Variants in EYS observed in about 807,000 individuals in gnomAD.
The protein encoded by EYS is protein eyes shut homolog.
Under a neutral mutation model 282.1 loss-of-function variants are expected in EYS, and 250 were observed. That is an observed-to-expected ratio of 0.89 (90% CI 0.80 to 0.98). The LOEUF (loss-of-function observed/expected upper bound fraction) is 0.98. Among genes scored for constraint, EYS ranks in the 50% least tolerant of loss-of-function variants. EYS has a pLI of 0.00. For missense variants in EYS, 4,016 were observed against 3,709.0 expected, an observed-to-expected ratio of 1.08 and a Z score of -2.15; for synonymous variants, 1,355 against 1,282.9, an observed-to-expected ratio of 1.06 and a Z score of -1.20.
intron 11 of EYS, among the ~76,000 whole-genome samples, chr6:65,321,642 C>T (rs1400546273): frequency 6.6e-6 from 1 of 152,196 alleles, no homozygotes; most frequent in Non-Finnish European, 1.5e-5. Context: ...GCAATACAGT[C>T]ATGAAGGCTA....
intron 13 of EYS, among the ~76,000 whole-genome samples, chr6:65,029,126 T>C (rs527694881): frequency 1.3e-5 from 2 of 152,246 alleles, no homozygotes; most frequent in Admixed American, 1.3e-4. Context: ...AGTACTTCTT[T>C]ATAATGCAAA....
At chr6:65,093,490 T>C (rs769613469) in intron 12 of EYS, among the ~76,000 whole-genome samples, 3 of 151,836 alleles carry the variant, frequency 2.0e-5, no homozygotes, top group Non-Finnish European at 2.9e-5. Flanking sequence ...AGGTAAACTG[T>C]GAAATCAATA....
At chr6:64,420,664 C>A (rs1461913138) in intron 28 of EYS, among the ~76,000 whole-genome samples, 2 of 152,128 alleles carry the variant, frequency 1.3e-5, no homozygotes, top group Admixed American at 1.3e-4. Context: ...CTCTTGAATG[C>A]CTTGCCACTT....
Position 64,145,584 on chromosome 6 carries a change from G to A in EYS, c.6425-63582C>T, listed in dbSNP as rs1425343869. ...TGAATAAAGCTTTACTTATCCTCTT[G>A]TTGCATTTCCAATTCACTCTCTAGA... On this transcript the variant is annotated intron_variant, in intron 31 of 42. Coordinates refer to ENST00000503581, the MANE Select transcript of EYS (RefSeq NM_001142800.2). 4.6e-5 allele frequency among the ~76,000 whole-genome samples: 7 copies of A among 152,058 alleles called. 1 individual carries two copies. Among genetic ancestry groups the A allele is most frequent in the Admixed American group, 4.6e-4 (7 of 15,244 alleles).
intron 12 of EYS, among the ~76,000 whole-genome samples, chr6:65,215,201 A>G (rs1766281722): frequency 6.6e-6 from 1 of 152,192 alleles, no homozygotes; most frequent in Non-Finnish European, 1.5e-5. Context: ...ATCTTGGCAT[A>G]TTGAAACATT....
At chr6:65,444,399 C>A (rs1768570743) in intron 5 of EYS, among the ~76,000 whole-genome samples, 1 of 151,894 alleles carries the variant, frequency 6.6e-6, no homozygotes, top group South Asian at 2.1e-4. Flanking sequence ...TCCCCTCCTT[C>A]ACAAGAAAGT....
At chr6:65,267,536 G>A (rs562393417) in intron 12 of EYS, among the ~76,000 whole-genome samples, 15 of 151,948 alleles carry the variant, frequency 9.9e-5, no homozygotes, top group South Asian at 8.3e-4. Context: ...ATAATTTATC[G>A]GATGAAGCAC....
intron 2 of EYS, among the ~76,000 whole-genome samples, chr6:65,581,206 C>A (rs1290853072): frequency 6.6e-6 from 1 of 151,898 alleles, no homozygotes; most frequent in Non-Finnish European, 1.5e-5. Flanking sequence ...TCTTCACCCA[C>A]CCCATCCTTT....
At chr6:64,504,796 T>A (rs1777162357) in intron 26 of EYS, among the ~76,000 whole-genome samples, 1 of 152,224 alleles carries the variant, frequency 6.6e-6, no homozygotes, top group South Asian at 2.1e-4. Flanking sequence ...AGAGAGAAGT[T>A]CCATGTGGCT....
chr6:63,743,591 CAATT>C (rs1769137508), intron 41 of EYS, among the ~76,000 whole-genome samples: 1 of 152,120 alleles, frequency 6.6e-6, no homozygotes, highest in Non-Finnish European at 1.5e-5. Flanking sequence ...AAGGACAGGG[CAATT>C]TTTGTGAGCT....
At chr6:65,291,471 A>C (rs1484871858) in intron 12 of EYS, among the ~76,000 whole-genome samples, 4 of 151,514 alleles carry the variant, frequency 2.6e-5, no homozygotes, top group Non-Finnish European at 4.4e-5. Flanking sequence ...CGAAGCCATA[A>C]AAAGTGAGGT....
intron 26 of EYS, among the ~76,000 whole-genome samples, chr6:64,547,777 C>T (rs759768355): frequency 3.3e-5 from 5 of 152,138 alleles, no homozygotes; most frequent in Admixed American, 1.3e-4. Context: ...GAGCAGGGGG[C>T]GGCGTTGGTC....
intron 22 of EYS, among the ~76,000 whole-genome samples, chr6:64,644,874 T>C (rs1332208392): frequency 6.6e-6 from 1 of 152,104 alleles, no homozygotes; most frequent in Non-Finnish European, 1.5e-5. Flanking sequence ...AGATGTACAT[T>C]TACTGGATGG....
intron 28 of EYS, among the ~76,000 whole-genome samples, chr6:64,390,459 C>A (rs956008051): frequency 6.6e-6 from 1 of 151,774 alleles, no homozygotes; most frequent in African/African-American, 2.4e-5. Flanking sequence ...CAAGTGGGTC[C>A]CTCACCCCTG....
At chr6:65,359,928 C>T (rs2150332716) in intron 8 of EYS, among the ~76,000 whole-genome samples, 1 of 151,948 alleles carries the variant, frequency 6.6e-6, no homozygotes, top group East Asian at 1.9e-4. Flanking sequence ...TTTTTTTCAA[C>T]TCACACACCT....
intron 35 of EYS, among the ~76,000 whole-genome samples, chr6:63,952,925 G>T (rs1215964273): frequency 6.6e-6 from 1 of 152,110 alleles, no homozygotes; most frequent in Non-Finnish European, 1.5e-5. Context: ...ACCTGTTACA[G>T]CATGGCCTTT....
intron 12 of EYS, among the ~76,000 whole-genome samples, chr6:65,281,653 C>A (rs1029469923): frequency 9.9e-5 from 15 of 152,108 alleles, no homozygotes; most frequent in Middle Eastern, 3.4e-3. Flanking sequence ...AAGGATAAAG[C>A]CTTGATAGTC....
chr6:65,401,533 A>G (rs1766497712), intron 7 of EYS, among the ~76,000 whole-genome samples: 1 of 151,912 alleles, frequency 6.6e-6, no homozygotes, highest in Non-Finnish European at 1.5e-5. Flanking sequence ...GAATTAATAT[A>G]CAATTGAAGG....
chr6:63,947,921 G>C (rs1412617785), intron 35 of EYS, among the ~76,000 whole-genome samples: 4 of 152,138 alleles, frequency 2.6e-5, no homozygotes, highest in Admixed American at 2.6e-4. Flanking sequence ...AATATAGCAA[G>C]GTTTTTAGTA....
Sources: allele counts gnomAD v4.1 joint callset (sites outside exome capture counted in the v4.1 genomes callset), GRCh38; gene constraint gnomAD v4.1.1; transcripts MANE v1.5; gene names NCBI Gene and HGNC (gene_info 2026-07-23, HGNC 2026-07-21).